The following FBXO31 variants were observed in gnomAD, a reference collection of about 807,000 sequenced individuals.
FBXO31 encodes the protein F-box protein 31, also known as F-box only protein 31.
FBXO31 carries 24 observed loss-of-function variants against 54.4 expected under a neutral mutation model. The observed-to-expected ratio is 0.44, with a 90% CI of 0.32 to 0.62. The LOEUF is 0.62. Among genes scored for constraint, FBXO31 ranks in the 20% least tolerant of loss-of-function variants. The pLI is 0.05. For synonymous variants in FBXO31, 388 were observed against 335.6 expected, an observed-to-expected ratio of 1.16 and a Z score of -1.71; for missense variants, 665 against 787.1, an observed-to-expected ratio of 0.84 and a Z score of 1.86.
intron 1 of FBXO31, among the ~76,000 whole-genome samples, chr16:87,364,605 G>A (rs1287004131): frequency 1.3e-5 from 2 of 152,202 alleles, no homozygotes; most frequent in South Asian, 2.1e-4. Flanking sequence ...GTCAGACTGA[G>A]GGACGCGTCA....
At chr16:87,351,943 C>T (rs898021046) in intron 2 of FBXO31, among the ~76,000 whole-genome samples, 1 of 152,088 alleles carries the variant, frequency 6.6e-6, no homozygotes, top group African/African-American at 2.4e-5. Flanking sequence ...GGCTCTCCAC[C>T]CTGACTGCGC....
intron 1 of FBXO31, among the ~76,000 whole-genome samples, chr16:87,374,376 T>C (rs1034504523): frequency 2.0e-5 from 3 of 152,160 alleles, no homozygotes; most frequent in Non-Finnish European, 2.9e-5. Context: ...AGCCTACAGC[T>C]GCGCAAAATC....
rs1904842789 is a variant in FBXO31 at position 87,331,213 on chromosome 16, C to G, written c.*75G>C. 2.0e-6 allele frequency: 3 copies of G among 1,468,612 alleles called. No individual in the cohort carries two copies. The highest frequency in any genetic ancestry group is 1.8e-5 in the Admixed American group (1 of 56,960). The allele number at this position is 1,468,612 out of a possible 1,614,324, so 91.0% of individuals were successfully genotyped here. ...GTCAAAAGGCCGGATTTCCAAAGTG[C>G]ATGCTGCTTCTATTCACAGGTCAGA... On this transcript the variant is annotated 3_prime_UTR_variant, in exon 9 of 9. Transcript: ENST00000311635.
intron 1 of FBXO31, among the ~76,000 whole-genome samples, chr16:87,372,366 G>A (rs1276716728): frequency 1.3e-5 from 2 of 152,126 alleles, no homozygotes; most frequent in African/African-American, 4.8e-5. Context: ...AAAAGGCAGA[G>A]GAAAAGGAAA....
Position 87,346,228 on chromosome 16 carries a change from G to A in FBXO31, c.489+946C>T, listed in dbSNP as rs1169218439. Among the ~76,000 whole-genome samples, 2 of 152,100 alleles carry A rather than the reference G, an allele frequency of 1.3e-5. No homozygotes were observed. Among genetic ancestry groups the A allele is most frequent in the South Asian group, 2.1e-4 (1 of 4,828 alleles). ...CATACCCCGGGCCTGCGCAGAGCAG[G>A]TGCCCTGACTCCACTTTGCCCGCAG... On this transcript the variant is annotated intron_variant, in intron 3 of 8. Coordinates refer to ENST00000311635, the MANE Select transcript of FBXO31 (RefSeq NM_024735.5). The surrounding 1 kb of genome is among the most constrained non-coding windows in gnomAD (Gnocchi z 4.2).
rs55746745 is a variant in FBXO31 at position 87,365,010 on chromosome 16, AATATATATATAT to A, written c.341-4656_341-4645del. 7.1e-3 allele frequency among the ~76,000 whole-genome samples: 338 copies of A among 47,684 alleles called. 58 individuals are homozygous for A. Among genetic ancestry groups the A allele is most frequent in the Admixed American group, 0.016 (60 of 3,656 alleles). The allele number at this position is 47,684 out of a possible 152,430, so 31.3% of individuals were successfully genotyped here. On this transcript the variant is annotated intron_variant, in intron 1 of 8. Transcript: ENST00000311635. ...TGACAGAGCGAGACCCCGTCTCTTA[AATATATATATAT>A]ATATATATATATATATATCAGGCAG...
chr16:87,350,147 T>A (rs1905587524), intron 2 of FBXO31, among the ~76,000 whole-genome samples: 2 of 151,736 alleles, frequency 1.3e-5, no homozygotes, highest in Admixed American at 1.3e-4. Flanking sequence ...GTGGGGGCCA[T>A]GGGGGTTTCG....
Position 87,331,493 on chromosome 16 carries a change from A to G in FBXO31, c.1415T>C (p.Leu472Pro). The change falls in exon 9 of 9, where the codon CTC becomes CCC. Residue 472 changes from leucine (L) to proline (P), a missense_variant. By Grantham distance (98) the Leu-to-Pro change is moderately conservative. Coordinates refer to ENST00000311635, the MANE Select transcript of FBXO31 (RefSeq NM_024735.5). ...TCRMCFYGTG[L>P]IAGHGFTSPE... ...GCTGGTGAAGCCGTGGCCCGCGATG[A>G]GGCCTGTGCCATAAAAACTGAGCAG... The G allele has an allele frequency of 1.2e-6, 2 of 1,603,570 alleles. No individual in the cohort carries two copies. Among genetic ancestry groups the G allele is most frequent in the Non-Finnish European group, 1.7e-6 (2 of 1,172,246 alleles).
In FBXO31 at chr16:87,341,933, C is replaced by A. The variant is rs537470791; in HGVS notation, c.732+944G>T. Among the ~76,000 whole-genome samples, 43 of 152,126 alleles carry A rather than the reference C, an allele frequency of 2.8e-4. 1 individual carries two copies. The South Asian group carries it at 8.5e-3, about 30-fold the overall frequency. ...CTAGCTAAGAAAAGCACACCCTGGC[C>A]GCGCGCGATGGCTCACACCTGCAAT... is the stretch of plus-strand genomic sequence containing the variant. On this transcript the variant is annotated intron_variant, in intron 5 of 8. Transcript: ENST00000311635.
chr16:87,336,044 C>G lies in FBXO31; in HGVS notation c.842+111G>C. Reference sequence around the variant, plus strand: ...CCCCAGCAGGAGAGAGGGCTGAACCCCAGCACCCACTGAGACAAAGGACTA... The same window carrying G: ...CCCCAGCAGGAGAGAGGGCTGAACCGCAGCACCCACTGAGACAAAGGACTA... On this transcript the variant is annotated intron_variant, in intron 6 of 8. Transcript: ENST00000311635. This position sits in a 1 kb window ranked among gnomAD's most constrained non-coding sequence, Gnocchi z 6.5. The G allele has an allele frequency of 1.2e-6, 1 of 835,936 alleles. No homozygotes were observed. The allele number at this position is 835,936 out of a possible 1,614,324, so 51.8% of individuals were successfully genotyped here.
chr16:87,343,530 A>T, intron 4 of FBXO31, 68 bp downstream of exon 4: 1 of 1,525,300 alleles, frequency 6.6e-7, no homozygotes, highest in South Asian at 1.2e-5. Flanking sequence ...ATAGCACGGC[A>T]GGCCTGGCTG....
chr16:87,350,770 C>T (rs1426038493), intron 2 of FBXO31, among the ~76,000 whole-genome samples: 2 of 152,138 alleles, frequency 1.3e-5, no homozygotes, highest in African/African-American at 4.8e-5. Flanking sequence ...CTATCCCCTC[C>T]CCTCAGCTCC....
rs769776339 is a variant in FBXO31 at position 87,383,511 on chromosome 16, G to A, written c.234C>T (p.Ile78=). Residue 78 remains isoleucine (I), a synonymous_variant, in exon 1 of 9, where the codon ATC becomes ATT. Coordinates refer to ENST00000311635, the MANE Select transcript of FBXO31 (RefSeq NM_024735.5). The surrounding 1 kb of genome is among the most constrained non-coding windows in gnomAD (Gnocchi z 4.9). ...GGTCCGTGCCCGGCAGCGACGCGAA[G>A]ATCTCCACCAGCAGCTCGGGCGGCA... The part of the protein sequence containing the change: ...LELPPELLVE[I]FASLPGTDLP... 1 of 1,586,286 alleles carries A rather than the reference G, an allele frequency of 6.3e-7. No individual in the cohort carries two copies. The highest frequency in any genetic ancestry group is 8.5e-7 in the Non-Finnish European group (1 of 1,170,248).
chr16:87,341,764 C>T (rs1041314477), intron 5 of FBXO31, among the ~76,000 whole-genome samples: 2 of 152,020 alleles, frequency 1.3e-5, no homozygotes, highest in African/African-American at 2.4e-5. Flanking sequence ...AAAACATTTC[C>T]GTTACTGATC....
rs1452161133 is a variant in FBXO31, at chr16:87,329,943, C to T, written c.*1345G>A. The T allele has an allele frequency of 2.0e-5, 3 of 152,356 alleles. No homozygotes were observed. The highest frequency in any genetic ancestry group is 7.2e-5 in the African/African-American group (3 of 41,474). The allele number at this position is 152,356 out of a possible 1,614,324, so 9.4% of individuals were successfully genotyped here. On this transcript the variant is annotated 3_prime_UTR_variant, in exon 9 of 9. Coordinates refer to ENST00000311635, the MANE Select transcript of FBXO31 (RefSeq NM_024735.5). ...CAGGACATCCTCAGGTTGGTCTCCA[C>T]ACCAAGGCACACAGACTGTCACCTT...
chr16:87,349,969 T>G (rs1905575725), intron 2 of FBXO31, among the ~76,000 whole-genome samples: 1 of 151,576 alleles, frequency 6.6e-6, no homozygotes, highest in African/African-American at 2.4e-5. Context: ...CTGAAGACAA[T>G]TTAGAAAAAG....
rs771129924 is a variant in FBXO31 at position 87,383,381 on chromosome 16, G to C, written c.340+24C>G. 2,780 of 1,406,232 alleles carry C rather than the reference G, an allele frequency of 2.0e-3. No homozygotes were observed. The highest frequency in any genetic ancestry group is 2.4e-3 in the Non-Finnish European group (2,520 of 1,031,350). The allele number at this position is 1,406,232 out of a possible 1,614,324, so 87.1% of individuals were successfully genotyped here. A position where few individuals can be genotyped will look rare whatever the true frequency, so the allele number is the denominator to read the frequency against. ...TGGCAGGGACCCCCCGCCCCTCCCG[G>C]CCCCGCCACCCCCGCGCGCTCACCC... On this transcript the variant is annotated intron_variant, in intron 1 of 8. Transcript: ENST00000311635. This position sits in a 1 kb window ranked among gnomAD's most constrained non-coding sequence, Gnocchi z 4.9.
At chr16:87,355,350 A>C (rs4240793) in intron 2 of FBXO31, among the ~76,000 whole-genome samples, 70,529 of 152,092 alleles carry the variant, frequency 0.46, 18,916 homozygotes, top group East Asian at 1. Context: ...AAAGGTTTGG[A>C]TGCTGTGAGA....
At chr16:87,355,158 G>T (rs1391725248) in intron 2 of FBXO31, among the ~76,000 whole-genome samples, 1 of 152,056 alleles carries the variant, frequency 6.6e-6, no homozygotes, top group African/African-American at 2.4e-5. Flanking sequence ...AGGAGTTTAA[G>T]ACCAGCCTGG....
Sources: allele counts gnomAD v4.1 joint callset (sites outside exome capture counted in the v4.1 genomes callset), GRCh38; gene constraint gnomAD v4.1.1; non-coding constraint Gnocchi (gnomAD v3.1); transcripts MANE v1.5; gene names NCBI Gene and HGNC (gene_info 2026-07-23, HGNC 2026-07-21).